FAM107B: variants seen among roughly 807,000 people sequenced by gnomAD.
The protein encoded by FAM107B is family with sequence similarity 107 member B.
In FAM107B, 21 loss-of-function variants were observed where a neutral mutation model predicts 31.5. That is an observed-to-expected ratio of 0.67 (90% CI 0.47 to 0.96). The LOEUF is 0.96. Ranked by LOEUF, FAM107B falls within the 40% of genes least tolerant of loss-of-function variation. The pLI, the probability that FAM107B is intolerant of heterozygous loss-of-function variation, is 0.00. For synonymous variants in FAM107B, 157 were observed against 141.5 expected, an observed-to-expected ratio of 1.11 and a Z score of -0.78; for missense variants, 452 against 377.1, an observed-to-expected ratio of 1.20 and a Z score of -1.64.
chr10:14,619,204 G>C (rs1055269547), intron 2 of FAM107B, among the ~76,000 whole-genome samples: 1 of 152,166 alleles, frequency 6.6e-6, no homozygotes, highest in African/African-American at 2.4e-5. Flanking sequence ...CTCACTTTGC[G>C]ATACTTTGTT....
intron 1 of FAM107B, among the ~76,000 whole-genome samples, chr10:14,697,307 C>G (rs1855289740): frequency 6.6e-6 from 1 of 152,236 alleles, no homozygotes; most frequent in African/African-American, 2.4e-5. Context: ...CCCAACTTAA[C>G]CAGGTCCCCG....
At chr10:14,672,459 A>G (rs867262169) in intron 1 of FAM107B, among the ~76,000 whole-genome samples, 1 of 152,228 alleles carries the variant, frequency 6.6e-6, no homozygotes, top group Non-Finnish European at 1.5e-5. Flanking sequence ...TACTATTAAA[A>G]TTTGTCAAAC....
At chr10:14,734,512 C>T (rs1165685979) in intron 1 of FAM107B, among the ~76,000 whole-genome samples, 1 of 126,864 alleles carries the variant, frequency 7.9e-6, no homozygotes, top group Non-Finnish European at 1.5e-5. Context: ...TTTAGCTCAT[C>T]AGCTATCGTT....
chr10:14,591,917 A>AT (rs1852033303), intron 2 of FAM107B, among the ~76,000 whole-genome samples: 2 of 152,036 alleles, frequency 1.3e-5, no homozygotes, highest in Admixed American at 6.6e-5. Context: ...AAGTGACCTG[A>AT]TTCCTTCAAC....
intron 1 of FAM107B, among the ~76,000 whole-genome samples, chr10:14,690,351 C>T (rs1050587216): frequency 6.6e-6 from 1 of 152,240 alleles, no homozygotes; most frequent in South Asian, 2.1e-4. Flanking sequence ...CTCCCCTCAT[C>T]CTTCTGGGTG....
At chr10:14,552,306 T>C (rs753697623) in intron 2 of FAM107B, among the ~76,000 whole-genome samples, 1 of 152,168 alleles carries the variant, frequency 6.6e-6, no homozygotes, top group Non-Finnish European at 1.5e-5. Flanking sequence ...TCAATGGTGA[T>C]GGAAATACAG....
intron 2 of FAM107B, among the ~76,000 whole-genome samples, chr10:14,563,879 C>T (rs1850443912): frequency 6.6e-6 from 1 of 152,132 alleles, no homozygotes. Context: ...AACAATGTCG[C>T]TCTTCTCACT....
intron 2 of FAM107B, among the ~76,000 whole-genome samples, chr10:14,581,107 C>T (rs749789696): frequency 6.6e-6 from 1 of 152,158 alleles, no homozygotes; most frequent in Non-Finnish European, 1.5e-5. Flanking sequence ...AGGAGGAGGA[C>T]AGGCAATTTG....
In FAM107B at chr10:14,757,451, T is replaced by TCC. The variant is rs574571097; in HGVS notation, c.411+16801_411+16802insGG. ...TCCTTAAAATGTATCTCTCTCTCTC[T>TCC]CTGTTCTGTGTTCTCTCTCTCTCTA... On this transcript the variant is annotated intron_variant, in intron 1 of 4. Coordinates refer to ENST00000181796, the MANE Select transcript of FAM107B (RefSeq NM_031453.4). 1.1e-3 allele frequency among the ~76,000 whole-genome samples: 167 copies of TCC among 152,276 alleles called. 2 individuals carry two copies. The South Asian group carries it at 0.033, about 30-fold the overall frequency.
chr10:14,564,506 T>TAA (rs767006571), intron 2 of FAM107B, among the ~76,000 whole-genome samples: 4 of 138,324 alleles, frequency 2.9e-5, no homozygotes, highest in East Asian at 4.1e-4. Context: ...CTTATTTGTT[T>TAA]AAAAAAAAAA....
intron 1 of FAM107B, among the ~76,000 whole-genome samples, chr10:14,690,680 C>T (rs1395902996): frequency 6.6e-6 from 1 of 152,140 alleles, no homozygotes; most frequent in Non-Finnish European, 1.5e-5. Flanking sequence ...TCTCGATCTC[C>T]TGACCTTGTG....
At chr10:14,769,256 G>C (rs1162707346) in intron 1 of FAM107B, among the ~76,000 whole-genome samples, 3 of 152,234 alleles carry the variant, frequency 2.0e-5, no homozygotes, top group Non-Finnish European at 4.4e-5. Context: ...GGCCACTGCT[G>C]GGGTGCTAGG....
Position 14,580,900 on chromosome 10 carries a change from T to C in FAM107B, c.470-50385A>G, listed in dbSNP as rs192555461. ...GAGATCATTTCCTTCTGTTGGCTTA[T>C]TGAGAGCACAGTGATTAAAACCTCC... On this transcript the variant is annotated intron_variant, in intron 2 of 4. Transcript: ENST00000181796. Among the ~76,000 whole-genome samples, 67 of 152,318 alleles carry C rather than the reference T, an allele frequency of 4.4e-4. 1 individual carries two copies. The highest frequency in any genetic ancestry group is 1.2e-3 in the Admixed American group (19 of 15,302).
chr10:14,710,738 A>C (rs142879626), intron 1 of FAM107B, among the ~76,000 whole-genome samples: 2 of 152,302 alleles, frequency 1.3e-5, no homozygotes, highest in South Asian at 4.1e-4. Context: ...AAATTTTTTT[A>C]AAAAGAAACA....
intron 2 of FAM107B, among the ~76,000 whole-genome samples, chr10:14,576,619 A>G (rs1851475187): frequency 6.6e-6 from 1 of 152,236 alleles, no homozygotes. Flanking sequence ...TTTCTGTACT[A>G]TGTGATATTA....
At chr10:14,671,711 C>T (rs1226545981) in intron 1 of FAM107B, among the ~76,000 whole-genome samples, 1 of 152,030 alleles carries the variant, frequency 6.6e-6, no homozygotes, top group African/African-American at 2.4e-5. Flanking sequence ...CTTGTTATCA[C>T]GTGCGGCTGA....
rs1479338660 is a variant in FAM107B, at chr10:14,774,685, A to G, written c.-22T>C. ...ACATGACTTGCAGTGAATCATTGCA[A>G]AGTTCAAACGGGGCAAGGAAATTTT... is the stretch of plus-strand genomic sequence containing the variant. On this transcript the variant is annotated 5_prime_UTR_variant, in exon 1 of 5. Coordinates refer to ENST00000181796, the MANE Select transcript of FAM107B (RefSeq NM_031453.4). 2 of 1,601,038 alleles carry G rather than the reference A, an allele frequency of 1.2e-6. No individual in the cohort carries two copies. The highest frequency in any genetic ancestry group is 1.7e-6 in the Non-Finnish European group (2 of 1,172,716).
At chr10:14,576,295 G>A (rs904737702) in intron 2 of FAM107B, among the ~76,000 whole-genome samples, 4 of 152,172 alleles carry the variant, frequency 2.6e-5, no homozygotes, top group East Asian at 1.9e-4. Context: ...TTGGGAGGCC[G>A]AGGCGGGTGG....
chr10:14,703,977 G>A (rs1855462493), intron 1 of FAM107B, among the ~76,000 whole-genome samples: 1 of 152,194 alleles, frequency 6.6e-6, no homozygotes, highest in African/African-American at 2.4e-5. Context: ...AGAGAAAAAT[G>A]CTAAAATGTT....
Sources: gnomAD v4.1 joint callset for allele counts (sites outside exome capture counted in the v4.1 genomes callset) on GRCh38, gnomAD v4.1.1 for gene constraint, MANE v1.5 for transcripts, NCBI Gene and HGNC (gene_info 2026-07-23, HGNC 2026-07-21) for gene names.